The following ABCG2 variants were observed in gnomAD, a reference collection of about 807,000 sequenced individuals.
ABCG2 encodes broad substrate specificity ATP-binding cassette transporter ABCG2.
A neutral mutation model predicts 73.5 loss-of-function variants in ABCG2; 80 were observed. That is an observed-to-expected ratio of 1.09 (90% CI 0.91 to 1.31). The LOEUF (loss-of-function observed/expected upper bound fraction) is 1.31. Ranked by LOEUF, ABCG2 falls within the 50% of genes most tolerant of loss-of-function variation. The pLI, the probability that ABCG2 is intolerant of heterozygous loss-of-function variation, is 0.00. For missense variants in ABCG2, 796 were observed against 786.2 expected, an observed-to-expected ratio of 1.01 and a Z score of -0.15; for synonymous variants, 269 against 282.4, an observed-to-expected ratio of 0.95 and a Z score of 0.48.
chr4:88,208,103 C>T (rs1729450432), intron 1 of ABCG2, among the ~76,000 whole-genome samples: 1 of 152,166 alleles, frequency 6.6e-6, no homozygotes, highest in Non-Finnish European at 1.5e-5. Context: ...AATCTTAGTT[C>T]ATTAAACATT....
intron 1 of ABCG2, among the ~76,000 whole-genome samples, chr4:88,149,795 G>A (rs2110070361): frequency 6.6e-6 from 1 of 152,258 alleles, no homozygotes; most frequent in East Asian, 1.9e-4. Flanking sequence ...AGGTTGCGGT[G>A]AGCTGAGCTC....
chr4:88,150,225 A>G (rs958356714), intron 1 of ABCG2, among the ~76,000 whole-genome samples: 3 of 151,810 alleles, frequency 2.0e-5, no homozygotes, highest in African/African-American at 4.8e-5. Flanking sequence ...ACTGAGGCAC[A>G]AGAATTGCTT....
chr4:88,177,125 C>A (rs952700323), intron 1 of ABCG2, among the ~76,000 whole-genome samples: 2 of 152,162 alleles, frequency 1.3e-5, no homozygotes, highest in Non-Finnish European at 2.9e-5. Context: ...GTAATCCCAG[C>A]ACTTTGGGAG....
At chr4:88,182,006 AAACTC>A (rs2110100714) in intron 1 of ABCG2, among the ~76,000 whole-genome samples, 1 of 152,274 alleles carries the variant, frequency 6.6e-6, no homozygotes, top group East Asian at 1.9e-4. Context: ...TAAAAAAACA[AAACTC>A]AATGATCTAT....
intron 1 of ABCG2, among the ~76,000 whole-genome samples, chr4:88,194,439 A>G (rs969930035): frequency 6.6e-6 from 1 of 151,242 alleles, no homozygotes; most frequent in Admixed American, 6.6e-5. Flanking sequence ...AGTCCCAGCT[A>G]CTCGGGAGGC....
At chr4:88,129,554 C>G (rs1478736926) in intron 5 of ABCG2, among the ~76,000 whole-genome samples, 1 of 152,006 alleles carries the variant, frequency 6.6e-6, no homozygotes, top group Non-Finnish European at 1.5e-5. Context: ...CAAACAGAAC[C>G]AAAGCAAAGA....
chr4:88,095,476 CTAG>C, intron 14 of ABCG2, 41 bp downstream of exon 14: 2 of 1,533,430 alleles, frequency 1.3e-6, no homozygotes, highest in Non-Finnish European at 1.8e-6. Flanking sequence ...TCCATTGTTC[CTAG>C]CTTGGGAATG....
chr4:88,102,243 G>A, intron 10 of ABCG2, among the ~76,000 whole-genome samples: 1 of 152,170 alleles, frequency 6.6e-6, no homozygotes, highest in East Asian at 1.9e-4. Context: ...TCTAATTTGT[G>A]TATCGTAATG....
intron 1 of ABCG2, among the ~76,000 whole-genome samples, chr4:88,182,913 G>A (rs6815644): frequency 0.56 from 84,069 of 151,146 alleles, 24,253 homozygotes; most frequent in East Asian, 0.99. Flanking sequence ...GTGAAACCCC[G>A]TCTCTACTAA....
At chr4:88,121,163 T>G (rs1045572212) in intron 6 of ABCG2, among the ~76,000 whole-genome samples, 2 of 151,912 alleles carry the variant, frequency 1.3e-5, no homozygotes, top group Non-Finnish European at 2.9e-5. Flanking sequence ...GGATTCCTCA[T>G]AAGCAAAATG....
At chr4:88,114,020 A>T (rs1723345651) in intron 8 of ABCG2, among the ~76,000 whole-genome samples, 1 of 152,188 alleles carries the variant, frequency 6.6e-6, no homozygotes, top group Admixed American at 6.5e-5. Context: ...AAAGTATAAC[A>T]GGCCAGGCAC....
At chr4:88,143,127 G>C (rs191475986) in intron 1 of ABCG2, among the ~76,000 whole-genome samples, 1 of 152,044 alleles carries the variant, frequency 6.6e-6, no homozygotes, top group Non-Finnish European at 1.5e-5. Flanking sequence ...GGAACAATGC[G>C]TGTACATTAT....
At chr4:88,132,131 CA>C (rs1724933908) in intron 3 of ABCG2, among the ~76,000 whole-genome samples, 2 of 152,132 alleles carry the variant, frequency 1.3e-5, no homozygotes, top group African/African-American at 2.4e-5. Context: ...TTGTACATTA[CA>C]ATAAAGCCCC....
chr4:88,159,374 G>A (rs1727183775), upstream of ABCG2: 1 of 357,908 alleles, frequency 2.8e-6, no homozygotes, highest in South Asian at 2.0e-5. Flanking sequence ...GCGCCCCAGG[G>A]CCTAAAAAAA....
upstream of ABCG2, among the ~76,000 whole-genome samples, chr4:88,159,867 A>C (rs1015432684): frequency 6.6e-6 from 1 of 152,164 alleles, no homozygotes; most frequent in South Asian, 2.1e-4. Context: ...TTTGGGTAAA[A>C]TTATTCTTTT....
rs1169630783 is a variant in ABCG2 at position 88,140,009 on chromosome 4, A to G, written c.-14T>C. On this transcript the variant is annotated 5_prime_UTR_variant, in exon 2 of 16. Coordinates refer to ENST00000237612, the MANE Select transcript of ABCG2 (RefSeq NM_004827.3). ...ACTGGAAGACATCTGGAGAGTTTTT[A>G]TCTTTCTGCAGACAGAAAAGCAATA... 6.2e-7 allele frequency: 1 copy of G among 1,611,992 alleles called. No individual in the cohort carries two copies. The highest frequency in any genetic ancestry group is 1.1e-5 in the South Asian group (1 of 90,628).
Position 88,095,558 on chromosome 4 carries a change from A to G in ABCG2, c.1699T>C (p.Trp567Arg), listed in dbSNP as rs1721927638. Residue 567 changes from tryptophan (W) to arginine (R), a missense_variant, in exon 14 of 16, where the codon TGG becomes CGG. Coordinates refer to ENST00000237612, the MANE Select transcript of ABCG2 (RefSeq NM_004827.3). ...NLTTIASWLS[W>R]LQYFSIPRYG... ...CGTGGAATGCTGAAGTACTGAAGCCATGACAGCCAAGATGCAATGGTTGTG... is the reference window on the plus strand; with the variant it reads ...CGTGGAATGCTGAAGTACTGAAGCCGTGACAGCCAAGATGCAATGGTTGTG... The G allele has an allele frequency of 1.2e-6, 2 of 1,613,758 alleles. No homozygotes were observed. The highest frequency in any genetic ancestry group is 1.7e-6 in the Non-Finnish European group (2 of 1,179,784).
chr4:88,223,549 A>G (rs1265730013), intron 1 of ABCG2: 3 of 152,164 alleles, frequency 2.0e-5, no homozygotes, highest in African/African-American at 7.2e-5. Flanking sequence ...CATGATTGTA[A>G]GTTTACTGAG....
At chr4:88,193,858 C>T (rs139234267) in intron 1 of ABCG2, among the ~76,000 whole-genome samples, 22 of 152,250 alleles carry the variant, frequency 1.4e-4, no homozygotes, top group African/African-American at 4.8e-4. Flanking sequence ...GATTCTCATG[C>T]CTCAGCCTCC....
Sources: allele counts gnomAD v4.1 joint callset (sites outside exome capture counted in the v4.1 genomes callset), GRCh38; gene constraint gnomAD v4.1.1; transcripts MANE v1.5; gene names NCBI Gene and HGNC (gene_info 2026-07-23, HGNC 2026-07-21).